The following C3orf22 variants were observed in gnomAD, a reference collection of about 807,000 sequenced individuals.
The protein encoded by C3orf22 is uncharacterized protein C3orf22.
Under a neutral mutation model 10.8 loss-of-function variants are expected in C3orf22, and 7 were observed. The ratio of observed to expected loss-of-function variants is 0.65; its 90% CI spans 0.37 to 1.22. The LOEUF (loss-of-function observed/expected upper bound fraction) is 1.22, where lower values mean the gene tolerates loss of function less well. Among genes scored for constraint, C3orf22 ranks in the 50% most tolerant of loss-of-function variants. The probability of loss-of-function intolerance (pLI) is 0.02; values close to 1 mark genes in which losing one functional copy is unlikely to be tolerated. For missense variants in C3orf22, 173 were observed against 177.0 expected (o/e 0.98, Z 0.13); for synonymous variants, 79 against 78.9 (o/e 1.00, Z 0.00).
intron 3 of C3orf22, 102 bp downstream of exon 3, chr3:126,551,895 C>T (rs1937195693): frequency 2.3e-6 from 3 of 1,323,634 alleles, no homozygotes; most frequent in African/African-American, 3.0e-5. Context: ...GTGGCGCGTG[C>T]TGGGAGGATA....
At chr3:126,552,229 C>T in intron 2 of C3orf22, 107 bp from the exon 3 acceptor site, 1 of 1,514,322 alleles carries the variant, frequency 6.6e-7, no homozygotes, top group Non-Finnish European at 8.9e-7. Context: ...CTAAGTGCTT[C>T]ACAAATATTA....
chr3:126,540,933 C>A (rs73195826), intron 4 of C3orf22, among the ~76,000 whole-genome samples: 99 of 152,292 alleles, frequency 6.5e-4, no homozygotes, highest in Non-Finnish European at 1.2e-3. Context: ...AAAACACTTT[C>A]TTTTATGAAC....
intron 4 of C3orf22, chr3:126,541,998 T>G: frequency 6.4e-7 from 1 of 1,561,048 alleles, no homozygotes; most frequent in Non-Finnish European, 8.6e-7. Flanking sequence ...CCTGGCCGCC[T>G]GCCCTCACTG....
chr3:126,534,279 A>T (rs74600495), intron 4 of C3orf22, among the ~76,000 whole-genome samples: 1,863 of 152,364 alleles, frequency 0.012, 37 homozygotes, highest in African/African-American at 0.042. Context: ...ATATTAATTG[A>T]CTATGCATAA....
intron 3 of C3orf22, 90 bp from the exon 4 acceptor site, chr3:126,550,168 C>T: frequency 7.0e-7 from 1 of 1,420,140 alleles, no homozygotes; most frequent in Non-Finnish European, 9.6e-7. Context: ...AGGGCCACAT[C>T]TGGGAGGGCT....
At chr3:126,550,492 C>T (rs1937157400) in intron 3 of C3orf22, among the ~76,000 whole-genome samples, 1 of 152,230 alleles carries the variant, frequency 6.6e-6, no homozygotes, top group South Asian at 2.1e-4. Context: ...GTCTCCCACT[C>T]CTCCTTCCAG....
chr3:126,555,145 G>A (rs749280031), intron 1 of C3orf22, among the ~76,000 whole-genome samples: 4 of 152,206 alleles, frequency 2.6e-5, no homozygotes, highest in East Asian at 1.9e-4. Context: ...TGGTTCTAGC[G>A]ACAAGCTTGG....
chr3:126,556,259 C>T (rs1937326949), intron 1 of C3orf22, among the ~76,000 whole-genome samples: 2 of 152,316 alleles, frequency 1.3e-5, no homozygotes, highest in African/African-American at 2.4e-5. Context: ...CAGAGAGTGA[C>T]AGCAGCCCCT....
chr3:126,541,515 C>A (rs980288798), intron 4 of C3orf22, among the ~76,000 whole-genome samples: 9 of 152,348 alleles, frequency 5.9e-5, no homozygotes, highest in Admixed American at 5.9e-4. Context: ...CTCCCAGCCT[C>A]AGCAAAGTCA....
At position 126,549,695 on chromosome 3, in the gene C3orf22, G is replaced by C. The variant is rs1937135652; in HGVS notation, c.*173C>G. 1 of 1,526,060 alleles carries C rather than the reference G, an allele frequency of 6.6e-7. No homozygotes were observed. The highest frequency in any genetic ancestry group is 8.8e-7 in the Non-Finnish European group (1 of 1,140,802). The allele number at this position is 1,526,060 out of a possible 1,614,324, so 94.5% of individuals were successfully genotyped here. ...AAGTGATCATTCCAGCTGGAAGTGG[G>C]GTGGGAACTCGCAGTTTATTAGCTT... On this transcript the variant is annotated 3_prime_UTR_variant, in exon 4 of 4. Transcript: ENST00000318225.
intron 4 of C3orf22, chr3:126,542,752 TCAGGTGGCCCTGCACG>T: frequency 2.0e-6 from 2 of 1,016,030 alleles, no homozygotes; most frequent in Non-Finnish European, 2.6e-6. Context: ...GCAGCCCATC[TCAGGTGGCCCTGCACG>T]CGTGTGCCTG....
chr3:126,549,456 G>C (rs1937130022), downstream of C3orf22: 2 of 451,672 alleles, frequency 4.4e-6, no homozygotes, highest in Non-Finnish European at 8.7e-6. Flanking sequence ...GCAGTTTCCT[G>C]TGAGTGTTTA....
chr3:126,528,154 C>A (rs1318193709), intron 5 of C3orf22, among the ~76,000 whole-genome samples: 1 of 151,236 alleles, frequency 6.6e-6, no homozygotes, highest in Non-Finnish European at 1.5e-5. Flanking sequence ...GGCTCTGGGT[C>A]CTTGAGAGAG....
At chr3:126,539,414 C>T (rs577510699) in intron 4 of C3orf22, among the ~76,000 whole-genome samples, 13 of 151,988 alleles carry the variant, frequency 8.6e-5, no homozygotes, top group Admixed American at 7.9e-4. Context: ...GCATAGTGTG[C>T]ACATGTGTGC....
intron 4 of C3orf22, among the ~76,000 whole-genome samples, chr3:126,533,690 G>A (rs1936705795): frequency 6.6e-6 from 1 of 151,928 alleles, no homozygotes; most frequent in South Asian, 2.1e-4. Flanking sequence ...CCCTTTTCTT[G>A]TGATGTCTTT....
At chr3:126,543,073 G>A (rs2107574973) in intron 4 of C3orf22, 1 of 152,462 alleles carries the variant, frequency 6.6e-6, no homozygotes, top group East Asian at 1.9e-4. Context: ...CGTCCCGGGA[G>A]CCAGGTGGGA....
intron 4 of C3orf22, among the ~76,000 whole-genome samples, chr3:126,535,486 C>T (rs1255653336): frequency 6.0e-5 from 9 of 151,032 alleles, no homozygotes; most frequent in South Asian, 2.1e-4. Flanking sequence ...TGTCCTCAGC[C>T]GGGAGACACA....
At chr3:126,539,488 T>C (rs184679853) in intron 4 of C3orf22, among the ~76,000 whole-genome samples, 3 of 107,706 alleles carry the variant, frequency 2.8e-5, no homozygotes, top group Admixed American at 8.8e-5. Context: ...CACACACACA[T>C]ATGTACCCCA....
At chr3:126,550,563 G>A (rs371275707) in intron 3 of C3orf22, among the ~76,000 whole-genome samples, 9 of 152,134 alleles carry the variant, frequency 5.9e-5, no homozygotes, top group Admixed American at 2.6e-4. Flanking sequence ...GACTGTCTCC[G>A]CAGCTCCCCG....
Sources: gnomAD v4.1 joint callset for allele counts (sites outside exome capture counted in the v4.1 genomes callset) on GRCh38, gnomAD v4.1.1 for gene constraint, MANE v1.5 for transcripts, NCBI Gene and HGNC (gene_info 2026-07-23, HGNC 2026-07-21) for gene names.